NTRK3: variants seen among roughly 807,000 people sequenced by gnomAD.
NTRK3 encodes the protein neurotrophic receptor tyrosine kinase 3, also known as NT-3 growth factor receptor.
In NTRK3, 24 loss-of-function variants were observed where a neutral mutation model predicts 91.7. The observed-to-expected ratio is 0.26, with a 90% CI of 0.19 to 0.37. NTRK3 has a LOEUF of 0.37. Among genes scored for constraint, NTRK3 ranks in the 10% least tolerant of loss-of-function variants. The probability of loss-of-function intolerance (pLI) is 1.00; values close to 1 mark genes in which losing one functional copy is unlikely to be tolerated. For synonymous variants in NTRK3, 483 were observed against 404.0 expected, an observed-to-expected ratio of 1.20 and a Z score of -2.34; for missense variants, 880 against 1,068.9, an observed-to-expected ratio of 0.82 and a Z score of 2.46.
chr15:87,867,920 T>C (rs940908393), exon 19 of NTRK3: 2 of 228,420 alleles, frequency 8.8e-6, no homozygotes, highest in Admixed American at 5.7e-5. Context: ...TCTTTAAATA[T>C]GAAGGTTTAA....
At chr15:88,109,257 G>A (rs1380525017) in intron 13 of NTRK3, among the ~76,000 whole-genome samples, 5 of 152,164 alleles carry the variant, frequency 3.3e-5, no homozygotes, top group African/African-American at 9.7e-5. Flanking sequence ...CAGGCCTCAC[G>A]CAGAGGGTGG....
chr15:88,111,909 T>TTTTTG (rs2051413453), intron 13 of NTRK3, among the ~76,000 whole-genome samples: 1 of 36,672 alleles, frequency 2.7e-5, no homozygotes, highest in African/African-American at 1.7e-4. Context: ...TTTGTTTTTG[T>TTTTTG]TTTTTTTTTT....
chr15:88,057,215 G>T (rs557230691), intron 13 of NTRK3, among the ~76,000 whole-genome samples: 1 of 150,778 alleles, frequency 6.6e-6, no homozygotes, highest in Non-Finnish European at 1.5e-5. Context: ...GTGTCCTGAG[G>T]GCTGGGTGCA....
intron 11 of NTRK3, among the ~76,000 whole-genome samples, chr15:88,128,359 C>T (rs553133974): frequency 6.6e-6 from 1 of 152,300 alleles, no homozygotes; most frequent in East Asian, 1.9e-4. Context: ...GTTCCATATT[C>T]TCTCTGCAAG....
chr15:87,880,273 C>T (rs200801017), exon 18 of NTRK3: 14 of 1,614,038 alleles, frequency 8.7e-6, no homozygotes, highest in Admixed American at 5.0e-5. Flanking sequence ...TTTTTACCTC[C>T]GTGTTTGAGA....
intron 17 of NTRK3, among the ~76,000 whole-genome samples, chr15:87,903,883 G>A (rs1423550220): frequency 6.6e-6 from 1 of 152,168 alleles, no homozygotes; most frequent in Non-Finnish European, 1.5e-5. Context: ...GTGGGTTTTA[G>A]AATAATCTCT....
At chr15:87,875,431 G>A (rs944258197) in exon 19 of NTRK3, 12 of 232,172 alleles carry the variant, frequency 5.2e-5, no homozygotes, top group African/African-American at 2.2e-4. Flanking sequence ...TGCTGGGGCA[G>A]AGGGAGCAGG....
intron 3 of NTRK3, among the ~76,000 whole-genome samples, chr15:88,220,996 C>G (rs2050187315): frequency 6.6e-6 from 1 of 152,214 alleles, no homozygotes; most frequent in Admixed American, 6.5e-5. Flanking sequence ...GCTCAGTTCT[C>G]TGCATTTTTA....
intron 14 of NTRK3, among the ~76,000 whole-genome samples, chr15:87,989,281 A>G (rs1309852151): frequency 6.6e-6 from 1 of 152,246 alleles, no homozygotes; most frequent in East Asian, 1.9e-4. Context: ...AGACTGGATT[A>G]AGAAAATGCA....
intron 14 of NTRK3, among the ~76,000 whole-genome samples, chr15:87,997,746 T>C (rs1010794289): frequency 3.3e-5 from 5 of 152,190 alleles, no homozygotes; most frequent in African/African-American, 1.2e-4. Flanking sequence ...CCTGGGGTCA[T>C]AGTTTCTCCA....
chr15:87,923,401 G>C (rs189516421), intron 17 of NTRK3, among the ~76,000 whole-genome samples: 2 of 152,260 alleles, frequency 1.3e-5, no homozygotes, highest in East Asian at 3.9e-4. Context: ...TTGGGACATA[G>C]ATAGATGCCT....
chr15:88,062,117 G>A (rs749059241), intron 13 of NTRK3, among the ~76,000 whole-genome samples: 124 of 152,144 alleles, frequency 8.2e-4, no homozygotes, highest in African/African-American at 2.9e-3. Flanking sequence ...TAAAGTCTCC[G>A]GGAGGATGTG....
chr15:88,094,082 G>T (rs969743057), intron 13 of NTRK3, among the ~76,000 whole-genome samples: 4 of 152,074 alleles, frequency 2.6e-5, no homozygotes, highest in Non-Finnish European at 5.9e-5. Flanking sequence ...CACACTGTGT[G>T]GCTCCTTGGC....
At chr15:88,021,408 A>G (rs77737192) in intron 14 of NTRK3, among the ~76,000 whole-genome samples, 2,117 of 152,324 alleles carry the variant, frequency 0.014, 22 homozygotes, top group Non-Finnish European at 0.022. Flanking sequence ...CTGTGTCTAC[A>G]GAGATGCTAA....
intron 14 of NTRK3, chr15:87,977,758 G>C (rs748767348): frequency 4.3e-6 from 1 of 231,968 alleles, no homozygotes; most frequent in Non-Finnish European, 8.5e-6. Context: ...TACTGGGCAA[G>C]AACTTGGAAA....
At chr15:87,957,215 T>A (rs59881173) in intron 14 of NTRK3, among the ~76,000 whole-genome samples, 37,938 of 151,536 alleles carry the variant, frequency 0.25, 4,952 homozygotes, top group South Asian at 0.37. Context: ...TTGTTTTGCA[T>A]ACAAATGTGT....
intron 14 of NTRK3, among the ~76,000 whole-genome samples, chr15:87,986,221 T>A (rs1461338633): frequency 1.3e-5 from 2 of 152,246 alleles, no homozygotes; most frequent in Non-Finnish European, 2.9e-5. Context: ...AATATCTGTC[T>A]TTGTATTCAG....
chr15:88,180,939 T>C (rs2046400689), intron 5 of NTRK3, among the ~76,000 whole-genome samples: 1 of 152,202 alleles, frequency 6.6e-6, no homozygotes. Context: ...ATAAAACCCG[T>C]GGATAAAGCC....
At chr15:87,914,503 C>T (rs1393596791) in intron 17 of NTRK3, among the ~76,000 whole-genome samples, 3 of 152,194 alleles carry the variant, frequency 2.0e-5, no homozygotes, top group Non-Finnish European at 2.9e-5. Context: ...GGGGACATTA[C>T]TCTTTTCCCA....
Sources: gnomAD v4.1 joint callset for allele counts (sites outside exome capture counted in the v4.1 genomes callset) on GRCh38, gnomAD v4.1.1 for gene constraint, MANE v1.5 for transcripts, NCBI Gene and HGNC (gene_info 2026-07-23, HGNC 2026-07-21) for gene names.